Variants in CACNA1E observed in about 807,000 individuals in gnomAD.
CACNA1E encodes the protein calcium voltage-gated channel subunit alpha1 E.
Under a neutral mutation model 259.2 loss-of-function variants are expected in CACNA1E, and 40 were observed. The observed-to-expected ratio is 0.15, with a 90% confidence interval of 0.12 to 0.20. The LOEUF (loss-of-function observed/expected upper bound fraction) is 0.20. Ranked by LOEUF, CACNA1E falls within the 10% of genes least tolerant of loss-of-function variation. The pLI is 1.00. For synonymous variants in CACNA1E, 1,104 were observed against 1,138.5 expected (o/e 0.97, Z 0.61); for missense variants, 1,874 against 3,040.1 (o/e 0.62, Z 9.02).
chr1:181,712,004 A>C (rs527995266), intron 8 of CACNA1E, among the ~76,000 whole-genome samples: 1 of 152,318 alleles, frequency 6.6e-6, no homozygotes, highest in African/African-American at 2.4e-5. Flanking sequence ...TAGTGCCGCC[A>C]TCTAGGGAGG....
At chr1:181,329,817 C>T (rs1299919449) in intron 1 of CACNA1E, among the ~76,000 whole-genome samples, 1 of 152,198 alleles carries the variant, frequency 6.6e-6, no homozygotes, top group Non-Finnish European at 1.5e-5. Context: ...GCATCTGTGT[C>T]TCCCAGGCAG....
chr1:181,779,235 A>G (rs936922488), intron 38 of CACNA1E, among the ~76,000 whole-genome samples: 1 of 152,126 alleles, frequency 6.6e-6, no homozygotes, highest in African/African-American at 2.4e-5. Flanking sequence ...CCAGGCTCTG[A>G]TTTCCTTAGA....
intron 1 of CACNA1E, among the ~76,000 whole-genome samples, chr1:181,371,408 T>C (rs952867607): frequency 6.6e-6 from 1 of 152,150 alleles, no homozygotes; most frequent in Non-Finnish European, 1.5e-5. Context: ...ACTACAGGCA[T>C]GTGCCACTAC....
chr1:181,376,791 A>G (rs913643781), intron 1 of CACNA1E, among the ~76,000 whole-genome samples: 2 of 152,074 alleles, frequency 1.3e-5, no homozygotes, highest in Non-Finnish European at 2.9e-5. Context: ...TCTTTGTCAC[A>G]TTCGACTCAG....
rs117243836 is a variant in CACNA1E, at chr1:181,566,578, C to T, written c.513-11188C>T. ...GCAAACTCTTTATTTCTGTATTCTTCGTCTGGCATCCTTTGGGGAACCTCT... is the reference window on the plus strand; with the variant it reads ...GCAAACTCTTTATTTCTGTATTCTTTGTCTGGCATCCTTTGGGGAACCTCT... On this transcript the variant is annotated intron_variant, in intron 3 of 47. Transcript: ENST00000367573. 6.8e-4 allele frequency among the ~76,000 whole-genome samples: 104 copies of T among 152,182 alleles called. No individual in the cohort carries two copies. In the East Asian group the frequency reaches 0.016, roughly 24 times the overall value.
intron 1 of CACNA1E, among the ~76,000 whole-genome samples, chr1:181,322,775 A>G (rs918153616): frequency 6.6e-6 from 1 of 152,256 alleles, no homozygotes; most frequent in East Asian, 1.9e-4. Context: ...TATGTGGATG[A>G]CAGTTGAAAA....
chr1:181,594,815 G>A (rs754774618), intron 6 of CACNA1E, among the ~76,000 whole-genome samples: 2 of 152,182 alleles, frequency 1.3e-5, no homozygotes, highest in African/African-American at 4.8e-5. Context: ...TCAGTACTTA[G>A]TGCATACAAT....
intron 3 of CACNA1E, among the ~76,000 whole-genome samples, chr1:181,516,082 G>A (rs1216530453): frequency 6.6e-6 from 1 of 152,144 alleles, no homozygotes; most frequent in African/African-American, 2.4e-5. Context: ...AAAGCTGGGA[G>A]CTCAATTTCT....
intron 6 of CACNA1E, 128 bp downstream of exon 6, chr1:181,580,904 T>C (rs1651450189): frequency 1.3e-6 from 1 of 759,500 alleles, no homozygotes; most frequent in South Asian, 1.7e-5. Context: ...GGATGGGAGG[T>C]GAAGACTCAA....
chr1:181,401,202 C>T (rs1458818624), intron 1 of CACNA1E, among the ~76,000 whole-genome samples: 1 of 152,104 alleles, frequency 6.6e-6, no homozygotes, highest in Non-Finnish European at 1.5e-5. Flanking sequence ...TGAAATGTCA[C>T]CTTCTTGGTG....
intron 8 of CACNA1E, among the ~76,000 whole-genome samples, chr1:181,714,430 A>G (rs1443179565): frequency 6.6e-6 from 1 of 152,114 alleles, no homozygotes; most frequent in African/African-American, 2.4e-5. Flanking sequence ...CTGAACCCCA[A>G]CATGCTGAAC....
At chr1:181,666,195 G>A (rs1455327540) in intron 7 of CACNA1E, among the ~76,000 whole-genome samples, 2 of 152,128 alleles carry the variant, frequency 1.3e-5, no homozygotes, top group Non-Finnish European at 2.9e-5. Context: ...TTACAAACCA[G>A]ACATTTAATT....
chr1:181,569,790 A>G (rs1220637810), intron 3 of CACNA1E, among the ~76,000 whole-genome samples: 1 of 152,228 alleles, frequency 6.6e-6, no homozygotes, highest in Admixed American at 6.5e-5. Context: ...TTACTGTTGC[A>G]TATTGTTCCA....
chr1:181,656,131 C>T (rs60256303), intron 7 of CACNA1E, among the ~76,000 whole-genome samples: 14,789 of 152,208 alleles, frequency 0.097, 1,369 homozygotes, highest in African/African-American at 0.24. Context: ...ACTGATTTGG[C>T]ATTTACTTTC....
intron 7 of CACNA1E, among the ~76,000 whole-genome samples, chr1:181,662,668 T>C (rs908354587): frequency 2.0e-5 from 3 of 152,214 alleles, no homozygotes; most frequent in Admixed American, 1.3e-4. Flanking sequence ...TAGCTGTTAG[T>C]AGCAGATTTC....
intron 44 of CACNA1E, among the ~76,000 whole-genome samples, chr1:181,791,596 T>C (rs990653832): frequency 3.3e-5 from 5 of 152,194 alleles, no homozygotes; most frequent in African/African-American, 1.2e-4. Context: ...CTAAACATCA[T>C]TGACTTTACC....
chr1:181,362,129 C>T (rs759175293), intron 1 of CACNA1E, among the ~76,000 whole-genome samples: 7 of 152,100 alleles, frequency 4.6e-5, no homozygotes, highest in Admixed American at 1.3e-4. Flanking sequence ...CTTAATGGAC[C>T]TTTTTCCAGC....
chr1:181,674,138 G>A (rs918201793), intron 7 of CACNA1E, among the ~76,000 whole-genome samples: 1 of 151,038 alleles, frequency 6.6e-6, no homozygotes, highest in African/African-American at 2.4e-5. Flanking sequence ...CTAGCACCTT[G>A]AGAGGCCAAG....
rs1659991731 is a variant in CACNA1E, at chr1:181,776,529, T to C, written c.5267+301T>C. The stretch of plus-strand genomic sequence containing the variant: ...TCCCAAGAGAACTTTCCAATAATCT[T>C]TTTCTGCCAATGGTTAGTGGACTCC... On this transcript the variant is annotated intron_variant, in intron 38 of 47. Transcript: ENST00000367573. This position sits in a 1 kb window ranked among gnomAD's most constrained non-coding sequence, Gnocchi z 4.4. Among the ~76,000 whole-genome samples, 1 of 152,174 alleles carries C rather than the reference T, an allele frequency of 6.6e-6. No homozygotes were observed. The highest frequency in any genetic ancestry group is 1.5e-5 in the Non-Finnish European group (1 of 68,030).
Sources: gnomAD v4.1 joint callset for allele counts (sites outside exome capture counted in the v4.1 genomes callset) on GRCh38, gnomAD v4.1.1 for gene constraint, Gnocchi (gnomAD v3.1) non-coding constraint, MANE v1.5 for transcripts, NCBI Gene and HGNC (gene_info 2026-07-23, HGNC 2026-07-21) for gene names.